The following SLC49A4 variants were observed in gnomAD, a reference collection of about 807,000 sequenced individuals.
SLC49A4 encodes the protein solute carrier family 49 member 4, also known as disrupted in renal cancer protein 2.
SLC49A4 carries 36 observed loss-of-function variants against 50.6 expected under a neutral mutation model. That is an observed-to-expected ratio of 0.71 (90% CI 0.55 to 0.94). The LOEUF (loss-of-function observed/expected upper bound fraction) is 0.94, where lower values mean the gene tolerates loss of function less well. Ranked by LOEUF, SLC49A4 falls within the 40% of genes least tolerant of loss-of-function variation. The pLI is 0.00. For missense variants in SLC49A4, 503 were observed against 605.7 expected, an observed-to-expected ratio of 0.83 and a Z score of 1.78; for synonymous variants, 248 against 241.2, an observed-to-expected ratio of 1.03 and a Z score of -0.26.
chr3:122,856,021 C>G (rs1322560739), intron 5 of SLC49A4, among the ~76,000 whole-genome samples: 1 of 152,152 alleles, frequency 6.6e-6, no homozygotes, highest in Non-Finnish European at 1.5e-5. Flanking sequence ...CAGGCTGTGA[C>G]TATCTTCCAT....
intron 4 of SLC49A4, among the ~76,000 whole-genome samples, chr3:122,841,013 A>T (rs1936762673): frequency 6.6e-6 from 1 of 152,196 alleles, no homozygotes; most frequent in East Asian, 1.9e-4. Flanking sequence ...CTCTTGATCT[A>T]AAATGCTTTT....
At chr3:122,864,269 A>C (rs1244571464) in intron 7 of SLC49A4, among the ~76,000 whole-genome samples, 2 of 152,232 alleles carry the variant, frequency 1.3e-5, no homozygotes, top group Non-Finnish European at 2.9e-5. Context: ...TTTAAATTGA[A>C]GTACTTAGAA....
chr3:122,802,127 C>T (rs1462638282), intron 1 of SLC49A4, among the ~76,000 whole-genome samples: 2 of 152,118 alleles, frequency 1.3e-5, no homozygotes, highest in East Asian at 1.9e-4. Flanking sequence ...GCCTGGGCAA[C>T]ATCGTGAGAC....
At chr3:122,863,314 T>G (rs1319919394) in intron 7 of SLC49A4, among the ~76,000 whole-genome samples, 1 of 152,136 alleles carries the variant, frequency 6.6e-6, no homozygotes, top group East Asian at 1.9e-4. Context: ...TGGAGCATGG[T>G]TTTGTGCCAA....
chr3:122,812,369 A>G (rs1273582049), intron 2 of SLC49A4, among the ~76,000 whole-genome samples: 2 of 152,226 alleles, frequency 1.3e-5, no homozygotes, highest in East Asian at 3.8e-4. Context: ...CCCAGCATAG[A>G]AATGTAAATC....
At chr3:122,873,283 G>A (rs891712642) in intron 8 of SLC49A4, among the ~76,000 whole-genome samples, 1 of 151,898 alleles carries the variant, frequency 6.6e-6, no homozygotes, top group Non-Finnish European at 1.5e-5. Flanking sequence ...GGGCTAAAGC[G>A]ATTCTCCCGC....
chr3:122,829,684 AG>A (rs1936583747), intron 3 of SLC49A4, among the ~76,000 whole-genome samples: 1 of 152,226 alleles, frequency 6.6e-6, no homozygotes, highest in South Asian at 2.1e-4. Flanking sequence ...TGGGAGGCAG[AG>A]GTTATAATGT....
intron 4 of SLC49A4, among the ~76,000 whole-genome samples, chr3:122,834,625 T>C (rs1013939223): frequency 1.3e-5 from 2 of 151,910 alleles, no homozygotes; most frequent in African/African-American, 4.8e-5. Context: ...GATTACAAAT[T>C]GACAACCTAA....
rs556151896 is a variant in SLC49A4, at chr3:122,844,280, T to C, written c.834-1483T>C. Among the ~76,000 whole-genome samples, 6 of 152,224 alleles carry C rather than the reference T, an allele frequency of 3.9e-5. No homozygotes were observed. The East Asian group carries it at 9.7e-4, about 25-fold the overall frequency. On this transcript the variant is annotated intron_variant, in intron 4 of 8. Transcript: ENST00000261038. ...TAGAGGTGAGGTCTCACTATCTTGC[T>C]CAGGCTGATCTTGAACTCCTGGCCT...
intron 4 of SLC49A4, among the ~76,000 whole-genome samples, chr3:122,838,468 A>G (rs1411935189): frequency 1.3e-5 from 2 of 150,542 alleles, no homozygotes; most frequent in East Asian, 4.0e-4. Context: ...AAAAAACCAA[A>G]CACCGCATGT....
At chr3:122,813,919 G>A (rs1442836607) in intron 2 of SLC49A4, among the ~76,000 whole-genome samples, 1 of 152,176 alleles carries the variant, frequency 6.6e-6, no homozygotes, top group Non-Finnish European at 1.5e-5. Context: ...GGAGAGCTGT[G>A]TATTTAAAAT....
At chr3:122,802,820 C>T (rs898003659) in intron 1 of SLC49A4, among the ~76,000 whole-genome samples, 3 of 152,036 alleles carry the variant, frequency 2.0e-5, no homozygotes, top group East Asian at 3.9e-4. Context: ...AAGAAAAGGT[C>T]GTGTGACTTG....
chr3:122,878,904 G>A (rs1937298620), intron 8 of SLC49A4, among the ~76,000 whole-genome samples: 1 of 151,880 alleles, frequency 6.6e-6, no homozygotes, highest in East Asian at 1.9e-4. Context: ...TTATAAACAG[G>A]GACAAGAGTG....
At position 122,795,142 on chromosome 3, in the gene SLC49A4, G is replaced by A; in HGVS notation, c.-51G>A. 2 of 1,299,986 alleles carry A rather than the reference G, an allele frequency of 1.5e-6. No individual in the cohort carries two copies. Among genetic ancestry groups the A allele is most frequent in the Non-Finnish European group, 1.9e-6 (2 of 1,032,484 alleles). 80.5% of individuals were successfully genotyped at this position (1,299,986 alleles called of 1,614,324 possible). A position where few individuals can be genotyped will look rare whatever the true frequency, so the allele number is the denominator to read the frequency against. Reference sequence around the variant, plus strand: ...AGGACTATTCTGCGCTGGGCTAGTCGGCGGTGACCCGGACTGCGCCCGGCA... The same window carrying A: ...AGGACTATTCTGCGCTGGGCTAGTCAGCGGTGACCCGGACTGCGCCCGGCA... On this transcript the variant is annotated 5_prime_UTR_variant, in exon 1 of 9. Transcript: ENST00000261038.
chr3:122,831,259 GA>G (rs1333819971), intron 3 of SLC49A4, among the ~76,000 whole-genome samples: 6 of 151,992 alleles, frequency 3.9e-5, no homozygotes, highest in African/African-American at 1.2e-4. Context: ...ATACAATCCA[GA>G]AATTACATTT....
At chr3:122,860,011 G>A in intron 6 of SLC49A4, 64 bp from the exon 7 acceptor site, 2 of 1,302,640 alleles carry the variant, frequency 1.5e-6, no homozygotes, top group East Asian at 2.8e-5. Context: ...TAGTGAAAGT[G>A]TGTCATTTGC....
intron 8 of SLC49A4, among the ~76,000 whole-genome samples, chr3:122,873,467 G>A (rs762928407): frequency 3.3e-5 from 5 of 152,114 alleles, no homozygotes; most frequent in Non-Finnish European, 5.9e-5. Flanking sequence ...GGCATGAGCC[G>A]CTGTGCCTGG....
chr3:122,873,047 G>T (rs1233277109), intron 8 of SLC49A4, among the ~76,000 whole-genome samples: 1 of 152,136 alleles, frequency 6.6e-6, no homozygotes, highest in Non-Finnish European at 1.5e-5. Flanking sequence ...TGAATGACAG[G>T]ATGTCACCCA....
intron 3 of SLC49A4, among the ~76,000 whole-genome samples, chr3:122,829,518 C>T (rs900787084): frequency 3.5e-4 from 54 of 152,244 alleles, no homozygotes; most frequent in African/African-American, 1.2e-3. Flanking sequence ...TGTGGGAGGC[C>T]GACAAGGGAG....
Sources: allele counts gnomAD v4.1 joint callset (sites outside exome capture counted in the v4.1 genomes callset), GRCh38; gene constraint gnomAD v4.1.1; transcripts MANE v1.5; gene names NCBI Gene and HGNC (gene_info 2026-07-23, HGNC 2026-07-21).